The following PITPNC1 variants were observed in gnomAD, a reference collection of about 807,000 sequenced individuals.
PITPNC1 encodes the protein cytoplasmic phosphatidylinositol transfer protein 1.
A neutral mutation model predicts 44.7 loss-of-function variants in PITPNC1; 18 were observed. The observed-to-expected ratio is 0.40, with a 90% CI of 0.28 to 0.60. The LOEUF (loss-of-function observed/expected upper bound fraction) is 0.60, where lower values mean the gene tolerates loss of function less well. Among genes scored for constraint, PITPNC1 ranks in the 20% least tolerant of loss-of-function variants. The pLI, the probability that PITPNC1 is intolerant of heterozygous loss-of-function variation, is 0.39. For missense variants in PITPNC1, 290 were observed against 418.4 expected, an observed-to-expected ratio of 0.69 and a Z score of 2.68; for synonymous variants, 141 against 149.6, an observed-to-expected ratio of 0.94 and a Z score of 0.42.
At chr17:67,441,445 G>C (rs186409356) in intron 1 of PITPNC1, among the ~76,000 whole-genome samples, 1 of 152,154 alleles carries the variant, frequency 6.6e-6, no homozygotes, top group Non-Finnish European at 1.5e-5. Context: ...TGTACATATC[G>C]TGTGAGACGG....
chr17:67,646,600 G>A lies in PITPNC1; in HGVS notation c.462+14362G>A, dbSNP rs1277660089. 3.9e-5 allele frequency among the ~76,000 whole-genome samples: 6 copies of A among 152,234 alleles called. No homozygotes were observed. In the South Asian group the frequency reaches 6.2e-4, roughly 16 times the overall value. On this transcript the variant is annotated intron_variant, in intron 6 of 8. Coordinates refer to ENST00000581322, the MANE Select transcript of PITPNC1 (RefSeq NM_012417.4). ...TGCAGTGATGCAACCACGGCTCACC[G>A]CAACCTCCACCCCTCCAGGCTCAAG...
chr17:67,509,599 T>TAAATAAATAAAA (rs776492887), intron 1 of PITPNC1, among the ~76,000 whole-genome samples: 46 of 149,224 alleles, frequency 3.1e-4, no homozygotes, highest in African/African-American at 8.2e-4. Flanking sequence ...AATAAATAAA[T>TAAATAAATAAAA]AAAACGTGTT....
chr17:67,620,218 G>A (rs968720639), intron 5 of PITPNC1, among the ~76,000 whole-genome samples: 2 of 151,708 alleles, frequency 1.3e-5, no homozygotes, highest in Non-Finnish European at 2.9e-5. Context: ...CACACCTGAC[G>A]AATTTTTAAA....
At chr17:67,500,731 C>T (rs939244753) in intron 1 of PITPNC1, among the ~76,000 whole-genome samples, 7 of 151,512 alleles carry the variant, frequency 4.6e-5, no homozygotes, top group African/African-American at 7.3e-5. Flanking sequence ...GGCACAATCA[C>T]GGATCATGGC....
chr17:67,406,341 C>T (rs1381127576), intron 1 of PITPNC1, among the ~76,000 whole-genome samples: 1 of 151,988 alleles, frequency 6.6e-6, no homozygotes, highest in African/African-American at 2.4e-5. Flanking sequence ...CCAAAAGAAA[C>T]CTCGTATCCA....
At chr17:67,670,750 C>CAA (rs61094990) in intron 7 of PITPNC1, among the ~76,000 whole-genome samples, 10,977 of 60,134 alleles carry the variant, frequency 0.18, 915 homozygotes, top group African/African-American at 0.26. Flanking sequence ...GACTCCATCT[C>CAA]AAAAAAAAAA....
chr17:67,527,557 G>C (rs1217916069), intron 1 of PITPNC1, among the ~76,000 whole-genome samples: 3 of 152,114 alleles, frequency 2.0e-5, no homozygotes, highest in African/African-American at 4.8e-5. Flanking sequence ...ACAAAAATTA[G>C]CTGGGTGTGG....
intron 6 of PITPNC1, among the ~76,000 whole-genome samples, chr17:67,667,796 A>G (rs1004401168): frequency 3.3e-5 from 5 of 152,084 alleles, no homozygotes; most frequent in African/African-American, 4.8e-5. Flanking sequence ...CCTGGCCAAC[A>G]TGGCAAAACC....
intron 5 of PITPNC1, among the ~76,000 whole-genome samples, chr17:67,593,192 C>T (rs79260815): frequency 0.035 from 5,315 of 151,940 alleles, 145 homozygotes; most frequent in Admixed American, 0.092. Flanking sequence ...ACATAAAATA[C>T]AAAGTTTATT....
chr17:67,541,880 G>A (rs2040613304), intron 2 of PITPNC1, among the ~76,000 whole-genome samples: 1 of 152,218 alleles, frequency 6.6e-6, no homozygotes, highest in African/African-American at 2.4e-5. Context: ...TTCGGCTCAG[G>A]TTAAGGAAGA....
intron 7 of PITPNC1, among the ~76,000 whole-genome samples, chr17:67,673,412 C>A (rs1233718032): frequency 6.6e-6 from 1 of 152,128 alleles, no homozygotes; most frequent in South Asian, 2.1e-4. Context: ...GACACACACA[C>A]ACACACAAAT....
At chr17:67,461,783 C>T (rs2039341754) in intron 1 of PITPNC1, among the ~76,000 whole-genome samples, 1 of 152,200 alleles carries the variant, frequency 6.6e-6, no homozygotes, top group African/African-American at 2.4e-5. Context: ...CATTGCACTC[C>T]AGCCTGGGTG....
chr17:67,680,430 T>C (rs2042681464), intron 8 of PITPNC1, among the ~76,000 whole-genome samples: 1 of 152,060 alleles, frequency 6.6e-6, no homozygotes, highest in African/African-American at 2.4e-5. Flanking sequence ...TGAAACTCCG[T>C]CTCTACTGAA....
At chr17:67,397,576 A>C (rs2038238529) in intron 1 of PITPNC1, among the ~76,000 whole-genome samples, 1 of 152,120 alleles carries the variant, frequency 6.6e-6, no homozygotes, top group South Asian at 2.1e-4. Flanking sequence ...GTCCAGGCTT[A>C]TGTTGCTCTC....
chr17:67,506,129 T>G (rs1035191287), intron 1 of PITPNC1, among the ~76,000 whole-genome samples: 8 of 152,132 alleles, frequency 5.3e-5, no homozygotes, highest in African/African-American at 1.9e-4. Flanking sequence ...AGATATTACC[T>G]AGGGCTACTG....
At chr17:67,593,667 G>A (rs772320448) in intron 5 of PITPNC1, among the ~76,000 whole-genome samples, 3 of 152,190 alleles carry the variant, frequency 2.0e-5, no homozygotes, top group Admixed American at 6.5e-5. Flanking sequence ...CTAAAGTGCT[G>A]AGATTACAGG....
Position 67,693,114 on chromosome 17 carries a change from C to G in PITPNC1, c.*226C>G. ...AAGACTTGCAAAGGACAGAAGGAAT[C>G]TTCTGTAACCACATAGCTGTATGCC... On this transcript the variant is annotated 3_prime_UTR_variant, in exon 9 of 9. Coordinates refer to ENST00000581322, the MANE Select transcript of PITPNC1 (RefSeq NM_012417.4). 2.0e-6 allele frequency: 1 copy of G among 498,486 alleles called. No homozygotes were observed. Among genetic ancestry groups the G allele is most frequent in the South Asian group, 3.3e-5 (1 of 30,426 alleles). 30.9% of individuals were successfully genotyped at this position (498,486 alleles called of 1,614,324 possible). A position where few individuals can be genotyped will look rare whatever the true frequency, so the allele number is the denominator to read the frequency against.
chr17:67,507,772 C>T (rs979051285), intron 1 of PITPNC1, among the ~76,000 whole-genome samples: 1 of 151,170 alleles, frequency 6.6e-6, no homozygotes. Flanking sequence ...GAGGTGTGCT[C>T]CTGGTTTGTT....
intron 1 of PITPNC1, among the ~76,000 whole-genome samples, chr17:67,403,120 A>G (rs542364898): frequency 6.8e-6 from 1 of 147,100 alleles, no homozygotes; most frequent in East Asian, 2.0e-4. Context: ...GGCCAGGTGA[A>G]GTGCTTGTGC....
Sources: allele counts gnomAD v4.1 joint callset (sites outside exome capture counted in the v4.1 genomes callset), GRCh38; gene constraint gnomAD v4.1.1; transcripts MANE v1.5; gene names NCBI Gene and HGNC (gene_info 2026-07-23, HGNC 2026-07-21).